PRKAR1B: variants seen among roughly 807,000 people sequenced by gnomAD.
PRKAR1B encodes protein kinase cAMP-dependent type I regulatory subunit beta.
Under a neutral mutation model 46.5 loss-of-function variants are expected in PRKAR1B, and 22 were observed. The observed-to-expected ratio is 0.47, with a 90% CI of 0.34 to 0.68. PRKAR1B has a LOEUF of 0.68. PRKAR1B is among the 30% of genes least tolerant of loss of function. The pLI, the probability that PRKAR1B is intolerant of heterozygous loss-of-function variation, is 0.01. For missense variants in PRKAR1B, 445 were observed against 535.6 expected, an observed-to-expected ratio of 0.83 and a Z score of 1.67; for synonymous variants, 259 against 217.7, an observed-to-expected ratio of 1.19 and a Z score of -1.67.
chr7:669,625 G>A (rs572103208), intron 4 of PRKAR1B, among the ~76,000 whole-genome samples: 7 of 151,826 alleles, frequency 4.6e-5, no homozygotes, highest in East Asian at 2.0e-4. Flanking sequence ...TTAGCCAGGT[G>A]TGGTGGCGCA....
At chr7:557,717 C>G (rs987505062) in intron 9 of PRKAR1B, among the ~76,000 whole-genome samples, 1 of 152,136 alleles carries the variant, frequency 6.6e-6, no homozygotes, top group Non-Finnish European at 1.5e-5. Flanking sequence ...CTCAAGCTGT[C>G]GAAACCTCTG....
At chr7:561,629 G>A (rs1437211793) in intron 9 of PRKAR1B, among the ~76,000 whole-genome samples, 15 of 152,194 alleles carry the variant, frequency 9.9e-5, no homozygotes, top group South Asian at 6.2e-4. Context: ...CCGGCTGGCC[G>A]AGACGGAACT....
At chr7:622,679 A>G (rs1325969938) in intron 4 of PRKAR1B, among the ~76,000 whole-genome samples, 1 of 152,196 alleles carries the variant, frequency 6.6e-6, no homozygotes, top group African/African-American at 2.4e-5. Context: ...GCACATATGC[A>G]CCAACAGTAG....
chr7:674,584 C>T (rs535846496), intron 4 of PRKAR1B, among the ~76,000 whole-genome samples: 25 of 152,252 alleles, frequency 1.6e-4, no homozygotes, highest in African/African-American at 6.0e-4. Context: ...CATCTAGCTA[C>T]TCCATCCATG....
At chr7:610,851 C>T (rs1315315792) in intron 4 of PRKAR1B, among the ~76,000 whole-genome samples, 1 of 152,264 alleles carries the variant, frequency 6.6e-6, no homozygotes, top group Non-Finnish European at 1.5e-5. Flanking sequence ...GATTTTAAAT[C>T]GTCTCACATG....
At chr7:683,150 A>G (rs1435542599) in intron 2 of PRKAR1B, among the ~76,000 whole-genome samples, 2 of 152,150 alleles carry the variant, frequency 1.3e-5, no homozygotes, top group African/African-American at 4.8e-5. Flanking sequence ...AGACGTGCCC[A>G]CCTGTGACAA....
intron 9 of PRKAR1B, among the ~76,000 whole-genome samples, chr7:571,426 C>T (rs1398170758): frequency 6.6e-6 from 1 of 152,188 alleles, no homozygotes; most frequent in African/African-American, 2.4e-5. Flanking sequence ...CAGGCGTCGG[C>T]GGGGAGGAGG....
At chr7:590,280 C>CT (rs1780899632) in intron 7 of PRKAR1B, among the ~76,000 whole-genome samples, 2 of 152,264 alleles carry the variant, frequency 1.3e-5, no homozygotes, top group Non-Finnish European at 2.9e-5. Flanking sequence ...CACGGCAGGA[C>CT]TCTGTCGCCC....
chr7:573,038 G>A (rs1269414414), intron 9 of PRKAR1B, among the ~76,000 whole-genome samples: 4 of 152,244 alleles, frequency 2.6e-5, no homozygotes, highest in Middle Eastern at 6.8e-3. Flanking sequence ...GGGCCCCGCC[G>A]CACCTGTCTG....
At chr7:722,096 CTTTTTTT>C (rs147399956) in intron 1 of PRKAR1B, among the ~76,000 whole-genome samples, 1 of 92,352 alleles carries the variant, frequency 1.1e-5, no homozygotes, top group Non-Finnish European at 2.0e-5. Flanking sequence ...AGTTTTCAGC[CTTTTTTT>C]TTTTTTTTTT....
chr7:680,094 C>T (rs1778575152), intron 3 of PRKAR1B, among the ~76,000 whole-genome samples: 1 of 149,026 alleles, frequency 6.7e-6, no homozygotes, highest in Non-Finnish European at 1.5e-5. Context: ...GGAGGCGGAG[C>T]TTGCAGTGAG....
At chr7:615,032 G>C (rs999474074) in intron 4 of PRKAR1B, among the ~76,000 whole-genome samples, 1 of 151,984 alleles carries the variant, frequency 6.6e-6, no homozygotes, top group Admixed American at 6.6e-5. Context: ...AGCTGAGATT[G>C]TGCCACTGCA....
intron 4 of PRKAR1B, 57 bp downstream of exon 4, chr7:677,172 C>T: frequency 6.4e-7 from 1 of 1,560,752 alleles, no homozygotes; most frequent in South Asian, 1.1e-5. Flanking sequence ...ACCTGCCCAC[C>T]TCCCGGAGGC....
intron 1 of PRKAR1B, among the ~76,000 whole-genome samples, chr7:719,528 T>A (rs534999596): frequency 6.6e-6 from 1 of 152,264 alleles, no homozygotes; most frequent in South Asian, 2.1e-4. Context: ...TTGGCCCAGG[T>A]GGACGTGAAT....
chr7:646,368 AT>A lies in PRKAR1B; in HGVS notation c.440+30860del, dbSNP rs1445131323. ...CTGAGTGCTACGTTTTAAGAGAACA[AT>A]TTCAGTGATTCTAGAAGGACGGTGC... On this transcript the variant is annotated intron_variant, in intron 4 of 10. Coordinates refer to ENST00000537384, the MANE Select transcript of PRKAR1B (RefSeq NM_001164760.2). Among the ~76,000 whole-genome samples the A allele has an allele frequency of 3.3e-5, 5 of 152,346 alleles. No individual in the cohort carries two copies. In the East Asian group the frequency reaches 7.7e-4, roughly 23 times the overall value.
intron 4 of PRKAR1B, among the ~76,000 whole-genome samples, chr7:628,928 T>G (rs1783572406): frequency 6.6e-6 from 1 of 152,072 alleles, no homozygotes; most frequent in Non-Finnish European, 1.5e-5. Context: ...GTGCCTGCTC[T>G]GCAGCCCACG....
chr7:585,273 T>A (rs995850180), intron 7 of PRKAR1B, among the ~76,000 whole-genome samples: 2 of 152,116 alleles, frequency 1.3e-5, no homozygotes, highest in African/African-American at 4.8e-5. Flanking sequence ...CTCTAGGCAG[T>A]CAGCTCCAGC....
At chr7:609,625 A>G (rs1782362381) in intron 4 of PRKAR1B, among the ~76,000 whole-genome samples, 1 of 152,260 alleles carries the variant, frequency 6.6e-6, no homozygotes, top group South Asian at 2.1e-4. Context: ...CATATCACTG[A>G]CAGAAAGATA....
intron 4 of PRKAR1B, among the ~76,000 whole-genome samples, chr7:632,956 G>T (rs556992443): frequency 1.3e-5 from 2 of 152,228 alleles, no homozygotes; most frequent in African/African-American, 4.8e-5. Context: ...GGCCGGCTCC[G>T]GCAAGCCTCC....
Sources: gnomAD v4.1 joint callset for allele counts (sites outside exome capture counted in the v4.1 genomes callset) on GRCh38, gnomAD v4.1.1 for gene constraint, MANE v1.5 for transcripts, NCBI Gene and HGNC (gene_info 2026-07-23, HGNC 2026-07-21) for gene names.